Variants in GLT1D1 observed in about 807,000 individuals in gnomAD.
GLT1D1 encodes glycosyltransferase 1 domain containing 1, also known as glycosyltransferase 1 domain-containing protein 1.
GLT1D1 carries 21 observed loss-of-function variants against 28.7 expected under a neutral mutation model. The observed-to-expected ratio is 0.73, with a 90% CI of 0.52 to 1.05. The LOEUF (loss-of-function observed/expected upper bound fraction) is 1.05, where lower values mean the gene tolerates loss of function less well. Ranked by LOEUF, GLT1D1 falls within the 50% of genes least tolerant of loss-of-function variation. The probability of loss-of-function intolerance (pLI) is 0.00; values close to 1 mark genes in which losing one functional copy is unlikely to be tolerated. For synonymous variants in GLT1D1, 147 were observed against 124.8 expected, an observed-to-expected ratio of 1.18 and a Z score of -1.19; for missense variants, 343 against 330.6, an observed-to-expected ratio of 1.04 and a Z score of -0.29.
chr12:128,926,562 CGT>C lies in GLT1D1; in HGVS notation c.376-18762_376-18761del. 4 of 620,276 alleles carry C rather than the reference CGT, an allele frequency of 6.4e-6. No individual in the cohort carries two copies. In the Middle Eastern group the frequency reaches 7.5e-4, roughly 117 times the overall value. The allele number at this position is 620,276 out of a possible 1,614,324, so 38.4% of individuals were successfully genotyped here. On this transcript the variant is annotated intron_variant, in intron 4 of 7. Coordinates refer to ENST00000281703, the MANE Select transcript of GLT1D1 (RefSeq NM_144669.3). ...GAGTTTTCTTTCCTCATTCTTTGCA[CGT>C]GAGCAGAACTGTTTCTAGATTGCTA... is the stretch of plus-strand genomic sequence containing the variant.
chr12:128,956,659 A>G (rs996994481), intron 6 of GLT1D1, among the ~76,000 whole-genome samples: 3 of 152,154 alleles, frequency 2.0e-5, no homozygotes, highest in Admixed American at 1.3e-4. Context: ...TACACTTATT[A>G]TATGTGCAGA....
chr12:128,943,499 A>T (rs1415840898), intron 4 of GLT1D1, among the ~76,000 whole-genome samples: 2 of 152,170 alleles, frequency 1.3e-5, no homozygotes, highest in African/African-American at 4.8e-5. Context: ...ATAGATTTTA[A>T]TTACATTTTG....
chr12:128,853,570 G>T lies in GLT1D1; in HGVS notation c.-12G>T, dbSNP rs1215405869. The T allele has an allele frequency of 4.5e-6, 5 of 1,105,740 alleles. No homozygotes were observed. The highest frequency in any genetic ancestry group is 5.5e-6 in the Non-Finnish European group (5 of 905,132). The allele number at this position is 1,105,740 out of a possible 1,614,324, so 68.5% of individuals were successfully genotyped here. ...GGCGGGGCCGGTCGATGGCCCGGGC[G>T]GCGGCGGCGGCATGCGGCTCCTGTT... On this transcript the variant is annotated 5_prime_UTR_variant, in exon 1 of 8. Coordinates refer to ENST00000281703, the MANE Select transcript of GLT1D1 (RefSeq NM_144669.3).
intron 2 of GLT1D1, among the ~76,000 whole-genome samples, chr12:128,886,877 C>G (rs1391015235): frequency 6.6e-6 from 1 of 152,054 alleles, no homozygotes; most frequent in African/African-American, 2.4e-5. Context: ...AGCCTAAACC[C>G]CTGGTGAACC....
chr12:128,944,405 A>G (rs1875747274), intron 4 of GLT1D1: 2 of 1,239,080 alleles, frequency 1.6e-6, no homozygotes, highest in Admixed American at 1.7e-5. Context: ...ATAGTCCAGG[A>G]CTGGCTTTGT....
chr12:128,908,683 C>T (rs1047330886), intron 4 of GLT1D1, among the ~76,000 whole-genome samples: 1 of 152,030 alleles, frequency 6.6e-6, no homozygotes, highest in Non-Finnish European at 1.5e-5. Context: ...GGCGCGGTGG[C>T]TCACGCCTGT....
At chr12:128,916,657 T>C (rs1872141804) in intron 4 of GLT1D1, among the ~76,000 whole-genome samples, 2 of 152,226 alleles carry the variant, frequency 1.3e-5, no homozygotes, top group African/African-American at 4.8e-5. Flanking sequence ...TCATGTATCT[T>C]GTTTCGTGAG....
At chr12:128,883,898 A>G (rs1957121477) in intron 2 of GLT1D1, among the ~76,000 whole-genome samples, 1 of 152,222 alleles carries the variant, frequency 6.6e-6, no homozygotes, top group Non-Finnish European at 1.5e-5. Context: ...CTTATGATAC[A>G]TGGCATGACA....
At chr12:128,946,317 T>C (rs1296794823) in intron 5 of GLT1D1, among the ~76,000 whole-genome samples, 1 of 152,198 alleles carries the variant, frequency 6.6e-6, no homozygotes, top group Admixed American at 6.5e-5. Context: ...TGTGACATTA[T>C]CGTCTCTAGT....
At chr12:128,924,894 G>A (rs55963907) in intron 4 of GLT1D1, among the ~76,000 whole-genome samples, 11,232 of 152,224 alleles carry the variant, frequency 0.074, 498 homozygotes, top group East Asian at 0.17. Flanking sequence ...GGCCAGCCCC[G>A]GGTCTTGGGG....
intron 4 of GLT1D1, among the ~76,000 whole-genome samples, chr12:128,916,852 G>A (rs999440509): frequency 2.0e-5 from 3 of 152,092 alleles, no homozygotes; most frequent in Non-Finnish European, 4.4e-5. Flanking sequence ...TATTGAAGTC[G>A]AGTTTATCAA....
chr12:128,956,171 A>AAAAAAAAAAAG (rs374597920), intron 6 of GLT1D1, among the ~76,000 whole-genome samples: 2 of 63,984 alleles, frequency 3.1e-5, no homozygotes, highest in South Asian at 7.3e-4. Context: ...AAAAAAAAAA[A>AAAAAAAAAAAG]AGAGAAAGAG....
At chr12:128,980,559 G>A (rs1328120092) in intron 7 of GLT1D1, among the ~76,000 whole-genome samples, 1 of 152,202 alleles carries the variant, frequency 6.6e-6, no homozygotes, top group Non-Finnish European at 1.5e-5. Flanking sequence ...CACTGGTCCA[G>A]CAAGAGTCTT....
At chr12:128,911,895 C>T (rs972355904) in intron 4 of GLT1D1, among the ~76,000 whole-genome samples, 3 of 152,080 alleles carry the variant, frequency 2.0e-5, no homozygotes, top group Non-Finnish European at 4.4e-5. Context: ...CCTCCCTTGC[C>T]TGGAAGGATC....
intron 4 of GLT1D1, among the ~76,000 whole-genome samples, chr12:128,929,780 G>A (rs781115873): frequency 2.6e-5 from 4 of 152,128 alleles, no homozygotes; most frequent in Admixed American, 6.5e-5. Flanking sequence ...GGCCAACAAG[G>A]TGAAACCCCG....
intron 1 of GLT1D1, among the ~76,000 whole-genome samples, chr12:128,864,634 A>G (rs1239051333): frequency 6.6e-6 from 1 of 152,126 alleles, no homozygotes; most frequent in East Asian, 1.9e-4. Flanking sequence ...GGGAGGAGAG[A>G]GTAGAGCCTG....
chr12:128,895,133 C>T (rs1461303007), intron 3 of GLT1D1, among the ~76,000 whole-genome samples: 1 of 151,910 alleles, frequency 6.6e-6, no homozygotes, highest in Admixed American at 6.6e-5. Context: ...CTGGAAATGG[C>T]TATTTCTCAA....
In GLT1D1 at chr12:128,976,518, C is replaced by T. The variant is rs188863806; in HGVS notation, c.640-6411C>T. On this transcript the variant is annotated intron_variant, in intron 7 of 7. Coordinates refer to ENST00000281703, the MANE Select transcript of GLT1D1 (RefSeq NM_144669.3). The stretch of plus-strand genomic sequence containing the variant: ...GCCTGCGCCAGCCTTGAGACACTTC[C>T]TCGTCAACGTCTCCCATCGACAAGC... Among the ~76,000 whole-genome samples, 396 of 152,330 alleles carry T rather than the reference C, an allele frequency of 2.6e-3. 2 individuals carry two copies. Among genetic ancestry groups the T allele is most frequent in the Non-Finnish European group, 4.0e-3 (271 of 68,034 alleles).
chr12:128,932,448 T>C (rs1245249832), intron 4 of GLT1D1, among the ~76,000 whole-genome samples: 1 of 152,266 alleles, frequency 6.6e-6, no homozygotes, highest in South Asian at 2.1e-4. Flanking sequence ...TGCAGCAGAG[T>C]GTCCGGGACC....
Sources: gnomAD v4.1 joint callset for allele counts (sites outside exome capture counted in the v4.1 genomes callset) on GRCh38, gnomAD v4.1.1 for gene constraint, MANE v1.5 for transcripts, NCBI Gene and HGNC (gene_info 2026-07-23, HGNC 2026-07-21) for gene names.